ZNF276: variants seen among roughly 807,000 people sequenced by gnomAD.
The protein encoded by ZNF276 is centromere protein Z.
In ZNF276, 59 loss-of-function variants were observed where a neutral mutation model predicts 63.9. That is an observed-to-expected ratio of 0.92 (90% CI 0.75 to 1.15). The LOEUF (loss-of-function observed/expected upper bound fraction) is 1.15. Among genes scored for constraint, ZNF276 ranks in the 50% most tolerant of loss-of-function variants. The pLI is 0.00. For synonymous variants in ZNF276, 496 were observed against 348.4 expected (o/e 1.42, Z -4.72); for missense variants, 1,084 against 843.8 (o/e 1.28, Z -3.53).
chr16:89,737,823 T>C lies in ZNF276; in HGVS notation c.1492T>C (p.Cys498Arg). Residue 498 changes from cysteine (C) to arginine (R), a missense_variant, in exon 10 of 11, where the codon TGT (cysteine) becomes CGT (arginine). Transcript: ENST00000443381. ...LIHTEVRNYI[C>R]DECGQTFKQR... ...CCTCTCAGAGGTGCGGAACTATATC[T>C]GTGACGAATGTGGACAAACCTTCAA... 2 of 1,614,158 alleles carry C rather than the reference T, an allele frequency of 1.2e-6. No individual in the cohort carries two copies. Among genetic ancestry groups the C allele is most frequent in the Non-Finnish European group, 8.5e-7 (1 of 1,180,028 alleles).
chr16:89,726,695 G>A (rs1183940237), intron 4 of ZNF276, among the ~76,000 whole-genome samples: 1 of 151,900 alleles, frequency 6.6e-6, no homozygotes, highest in Non-Finnish European at 1.5e-5. Context: ...TGCCCAGGCT[G>A]GAGTGCAGTG....
intron 8 of ZNF276, 147 bp from the exon 9 acceptor site, chr16:89,733,774 T>C (rs1320247668): frequency 7.9e-6 from 7 of 881,448 alleles, no homozygotes; most frequent in South Asian, 1.6e-5. Flanking sequence ...TAGAAGTTTC[T>C]TGGAGTGAAG....
rs1055492804 is a variant in ZNF276 at position 89,740,160 on chromosome 16, G to A, written c.*1914G>A. On this transcript the variant is annotated 3_prime_UTR_variant, in exon 11 of 11. Coordinates refer to ENST00000443381, the MANE Select transcript of ZNF276 (RefSeq NM_001113525.2). Reference sequence around the variant, plus strand: ...GACCTGGTGCTCCCATGGGTAGGAGGGTACAGCCCTCAGCACAGAAGAGGG... The same window carrying A: ...GACCTGGTGCTCCCATGGGTAGGAGAGTACAGCCCTCAGCACAGAAGAGGG... 232 of 1,319,500 alleles carry A rather than the reference G, an allele frequency of 1.8e-4. 1 individual carries two copies. Among genetic ancestry groups the A allele is most frequent in the South Asian group, 4.9e-4 (42 of 85,046 alleles). The allele number at this position is 1,319,500 out of a possible 1,614,324, so 81.7% of individuals were successfully genotyped here. A position where few individuals can be genotyped will look rare whatever the true frequency, so the allele number is the denominator to read the frequency against.
Position 89,738,702 on chromosome 16 carries a change from CCAG to C in ZNF276, c.*461_*463del. 1 of 1,613,904 alleles carries C rather than the reference CCAG, an allele frequency of 6.2e-7. No homozygotes were observed. The highest frequency in any genetic ancestry group is 1.3e-5 in the African/African-American group (1 of 75,054). ...TCTGGGTCGCAGTCCCCACGATCAG[CCAG>C]CAGCTGTGAGAGAGGAGCAGGTCCT... On this transcript the variant is annotated 3_prime_UTR_variant, in exon 11 of 11. Coordinates refer to ENST00000443381, the MANE Select transcript of ZNF276 (RefSeq NM_001113525.2).
At position 89,739,866 on chromosome 16, in the gene ZNF276, C is replaced by G. The variant is rs561732863; in HGVS notation, c.*1620C>G. 26 of 1,541,876 alleles carry G rather than the reference C, an allele frequency of 1.7e-5. No homozygotes were observed. The South Asian group carries it at 2.9e-4, about 17-fold the overall frequency. ...TAAACAAGTTTGTGCTTAATCTGTC[C>G]CAACTAAAATGGAGCTTATAAACTT... On this transcript the variant is annotated 3_prime_UTR_variant, in exon 11 of 11. Transcript: ENST00000443381.
intron 9 of ZNF276, among the ~76,000 whole-genome samples, chr16:89,735,899 G>GTTT (rs869170268): frequency 1.2e-4 from 10 of 80,858 alleles, no homozygotes; most frequent in Admixed American, 3.1e-4. Flanking sequence ...TTGTTTGTTT[G>GTTT]TTTGTTTTTT....
Position 89,733,454 on chromosome 16 carries a change from G to A in ZNF276, c.1281-28G>A, listed in dbSNP as rs114904746. ...GAGGCTCGCCCTGCCTGTCGGGGCC[G>A]GGGCTCCATGCATGCTCTTCATTGC... On this transcript the variant is annotated intron_variant, in intron 7 of 10. Coordinates refer to ENST00000443381, the MANE Select transcript of ZNF276 (RefSeq NM_001113525.2). 2.4e-3 allele frequency: 3,891 copies of A among 1,614,074 alleles called. 101 individuals are homozygous for A. The African/African-American group carries it at 0.045, about 19-fold the overall frequency.
intron 2 of ZNF276, 69 bp downstream of exon 2, chr16:89,722,903 G>A (rs8056353): frequency 0.17 from 266,754 of 1,563,450 alleles, 24,713 homozygotes; most frequent in Middle Eastern, 0.29. Context: ...TTGAGAGAGG[G>A]ACAGGGCGTG....
rs750333922 is a variant in ZNF276 at position 89,737,878 on chromosome 16, T to C, written c.1547T>C (p.Met516Thr). 2 of 1,614,058 alleles carry C rather than the reference T, an allele frequency of 1.2e-6. No individual in the cohort carries two copies. The highest frequency in any genetic ancestry group is 1.7e-6 in the Non-Finnish European group (2 of 1,180,018). The change falls in exon 10 of 11, where the codon ATG becomes ACG. Residue 516 changes from methionine (M) to threonine (T), a missense_variant. Transcript: ENST00000443381. ...KQRKHLLVHQ[M>T]RHSGAKPLQC... ...CGGAAGCACCTTCTCGTCCACCAAA[T>C]GCGACATTCGGGAGCCAAGCCTTTG...
At chr16:89,731,181 G>C (rs1055987532) in intron 6 of ZNF276, among the ~76,000 whole-genome samples, 2 of 152,250 alleles carry the variant, frequency 1.3e-5, no homozygotes, top group African/African-American at 4.8e-5. Context: ...CATGTGGCTA[G>C]GTCATGAAAA....
chr16:89,739,806 G>T lies in ZNF276; in HGVS notation c.*1560G>T. The T allele has an allele frequency of 6.8e-7, 1 of 1,465,134 alleles. No individual in the cohort carries two copies. The highest frequency in any genetic ancestry group is 9.0e-7 in the Non-Finnish European group (1 of 1,112,404). 90.8% of individuals were successfully genotyped at this position (1,465,134 alleles called of 1,614,324 possible). A position where few individuals can be genotyped will look rare whatever the true frequency, so the allele number is the denominator to read the frequency against. Reference sequence around the variant, plus strand: ...CCATGATAGGCCCATTGGTCCTGGGGTTGACCAGTGAGCCAGTAAATTATC... The same window carrying T: ...CCATGATAGGCCCATTGGTCCTGGGTTTGACCAGTGAGCCAGTAAATTATC... On this transcript the variant is annotated 3_prime_UTR_variant, in exon 11 of 11. Coordinates refer to ENST00000443381, the MANE Select transcript of ZNF276 (RefSeq NM_001113525.2).
chr16:89,723,067 G>C (rs1323083126), intron 2 of ZNF276, 70 bp from the exon 3 acceptor site: 18 of 1,611,622 alleles, frequency 1.1e-5, no homozygotes, highest in Non-Finnish European at 1.5e-5. Context: ...ATCTCGAGAG[G>C]GTCCCGTACG....
intron 5 of ZNF276, 125 bp downstream of exon 5, chr16:89,727,482 C>T: frequency 1.8e-6 from 2 of 1,121,074 alleles, no homozygotes; most frequent in Non-Finnish European, 2.6e-6. Flanking sequence ...AACCAAACAG[C>T]CATCGTAGGG....
At chr16:89,722,050 C>T (rs1279246491) in intron 1 of ZNF276, among the ~76,000 whole-genome samples, 2 of 152,136 alleles carry the variant, frequency 1.3e-5, no homozygotes, top group South Asian at 2.1e-4. Flanking sequence ...GGCCCGGCCT[C>T]CCCGGCCGCG....
At position 89,723,490 on chromosome 16, in the gene ZNF276, T is replaced by C. The variant is rs6500437; in HGVS notation, c.787T>C (p.Trp263Arg). Residue 263 changes from tryptophan to arginine, a missense_variant, in exon 4 of 11, where the codon TGG becomes CGG. Trp to Arg is a moderately radical substitution (Grantham distance 101). Coordinates refer to ENST00000443381, the MANE Select transcript of ZNF276 (RefSeq NM_001113525.2). ...CAGTGCGCTGGCAGTCAAGTGGCCATGGGACAAAGAGACGGCGCCACGGCT... is the reference window on the plus strand; with the variant it reads ...CAGTGCGCTGGCAGTCAAGTGGCCACGGGACAAAGAGACGGCGCCACGGCT... ...LDSALAVKWP[W>R]DKETAPRLPQ... The C allele has an allele frequency of 0.35, 571,593 of 1,612,680 alleles. 112,387 individuals are homozygous for C. Among genetic ancestry groups the C allele is most frequent in the East Asian group, 0.81 (36,375 of 44,852 alleles).
intron 9 of ZNF276, among the ~76,000 whole-genome samples, chr16:89,734,511 G>T (rs180677802): frequency 1.3e-5 from 2 of 152,270 alleles, no homozygotes; most frequent in Admixed American, 1.3e-4. Context: ...ATTTTTGGTA[G>T]AGACGGGGTT....
intron 4 of ZNF276, among the ~76,000 whole-genome samples, chr16:89,723,958 C>T (rs563553824): frequency 1.8e-4 from 28 of 152,240 alleles, no homozygotes; most frequent in Admixed American, 3.3e-4. Flanking sequence ...TGTGGAGACA[C>T]GCTCATCAGC....
upstream of ZNF276, chr16:89,721,516 T>A: frequency 1.1e-6 from 1 of 893,592 alleles, no homozygotes; most frequent in Non-Finnish European, 1.6e-6. Context: ...CTCGCTTTGC[T>A]TCTCGCTCCG....
chr16:89,720,913 C>G, upstream of ZNF276: 1 of 1,268,870 alleles, frequency 7.9e-7, no homozygotes, highest in Non-Finnish European at 9.9e-7. Context: ...GACGGGCGAC[C>G]GGAGGCCCGG....
Sources: gnomAD v4.1 joint callset for allele counts (sites outside exome capture counted in the v4.1 genomes callset) on GRCh38, gnomAD v4.1.1 for gene constraint, MANE v1.5 for transcripts, NCBI Gene and HGNC (gene_info 2026-07-23, HGNC 2026-07-21) for gene names.